The following ZC3H13 variants were observed in gnomAD, a reference collection of about 807,000 sequenced individuals.
The protein encoded by ZC3H13 is zinc finger CCCH domain-containing protein 13.
Under a neutral mutation model 204.1 loss-of-function variants are expected in ZC3H13, and 64 were observed. That is an observed-to-expected ratio of 0.31 (90% CI 0.26 to 0.39). The LOEUF (loss-of-function observed/expected upper bound fraction) is 0.39. ZC3H13 is among the 10% of genes least tolerant of loss of function. The pLI, the probability that ZC3H13 is intolerant of heterozygous loss-of-function variation, is 1.00. For synonymous variants in ZC3H13, 667 were observed against 693.7 expected (o/e 0.96, Z 0.60); for missense variants, 1,833 against 2,082.7 (o/e 0.88, Z 2.33).
At chr13:45,997,555 T>C (rs927332327) in intron 8 of ZC3H13, among the ~76,000 whole-genome samples, 7 of 152,152 alleles carry the variant, frequency 4.6e-5, no homozygotes, top group African/African-American at 1.7e-4. Flanking sequence ...ATACAGAACG[T>C]TGGACAACTG....
Position 46,020,446 on chromosome 13 carries a change from C to T in ZC3H13, c.448+3G>A. On this transcript the variant is annotated splice_donor_region_variant and intron_variant, in intron 5 of 18. Coordinates refer to ENST00000679008, the MANE Select transcript of ZC3H13 (RefSeq NM_001330564.2). ...CCATTTAAACCAAGATTCTGAAACT[C>T]ACCATCTCTATTAGTTTCCCATTCT... 2 of 1,599,972 alleles carry T rather than the reference C, an allele frequency of 1.3e-6. No individual in the cohort carries two copies. Among genetic ancestry groups the T allele is most frequent in the Non-Finnish European group, 1.7e-6 (2 of 1,171,120 alleles).
At chr13:45,959,407 C>A in intron 18 of ZC3H13, 76 bp downstream of exon 18, 1 of 1,355,418 alleles carries the variant, frequency 7.4e-7, no homozygotes, top group South Asian at 1.8e-5. Flanking sequence ...ATTGCAATCT[C>A]AATTTAAAAC....
chr13:45,960,206 CT>C (rs1359942740), intron 17 of ZC3H13, among the ~76,000 whole-genome samples: 1 of 152,016 alleles, frequency 6.6e-6, no homozygotes, highest in Non-Finnish European at 1.5e-5. Context: ...ATCTGCCTGC[CT>C]CGGCCTCCCA....
At chr13:46,048,580 C>CAAAAA (rs56753264) in intron 1 of ZC3H13, among the ~76,000 whole-genome samples, 21 of 38,636 alleles carry the variant, frequency 5.4e-4, no homozygotes, top group South Asian at 1.8e-3. Context: ...GACTCCGCCT[C>CAAAAA]AAAAAAAAAA....
intron 12 of ZC3H13, among the ~76,000 whole-genome samples, chr13:45,972,346 G>A (rs904644419): frequency 6.6e-6 from 1 of 152,072 alleles, no homozygotes; most frequent in African/African-American, 2.4e-5. Flanking sequence ...AAAAAATAAT[G>A]TCTTTTGCAG....
At chr13:46,004,615 G>A (rs1043461178) in intron 7 of ZC3H13, among the ~76,000 whole-genome samples, 2 of 152,078 alleles carry the variant, frequency 1.3e-5, no homozygotes, top group Non-Finnish European at 1.5e-5. Flanking sequence ...CTGAATAGAT[G>A]CTCCAAAACT....
chr13:45,976,025 G>T (rs933297243), intron 11 of ZC3H13, among the ~76,000 whole-genome samples, 187 bp from the exon 12 acceptor site: 1 of 152,010 alleles, frequency 6.6e-6, no homozygotes, highest in African/African-American at 2.4e-5. Context: ...ATTTTTTAAA[G>T]ATAATTTTTA....
At chr13:45,958,504 A>G (rs1951428216) in intron 18 of ZC3H13, among the ~76,000 whole-genome samples, 1 of 152,172 alleles carries the variant, frequency 6.6e-6, no homozygotes, top group South Asian at 2.1e-4. Context: ...CCAGTTGAGC[A>G]TCCCTATCTA....
At chr13:45,985,930 GTTC>G (rs1264783956) in intron 9 of ZC3H13, among the ~76,000 whole-genome samples, 169 bp from the exon 10 acceptor site, 1 of 152,136 alleles carries the variant, frequency 6.6e-6, no homozygotes, top group African/African-American at 2.4e-5. Context: ...TGATAAGAAT[GTTC>G]TTCATTAGAT....
chr13:46,043,482 A>T (rs919565574), intron 3 of ZC3H13, among the ~76,000 whole-genome samples: 4 of 151,932 alleles, frequency 2.6e-5, no homozygotes, highest in Non-Finnish European at 1.5e-5. Context: ...TTATATAATA[A>T]AACACTTTAG....
In ZC3H13 at chr13:46,052,469, C is replaced by T; in HGVS notation, c.-75G>A. 7.5e-6 allele frequency: 3 copies of T among 398,124 alleles called. No homozygotes were observed. 24.7% of individuals were successfully genotyped at this position (398,124 alleles called of 1,614,324 possible). On this transcript the variant is annotated 5_prime_UTR_variant, in exon 1 of 19. Coordinates refer to ENST00000679008, the MANE Select transcript of ZC3H13 (RefSeq NM_001330564.2). ...CCACCGCCGCCGCCGCTCCGAGGAG[C>T]GGGGGAGGCGACTCTGTCCCCGCGC...
At chr13:45,986,004 C>A (rs1295684740) in intron 9 of ZC3H13, among the ~76,000 whole-genome samples, 2 of 152,214 alleles carry the variant, frequency 1.3e-5, no homozygotes, top group African/African-American at 4.8e-5. Flanking sequence ...CTCACCCCAA[C>A]TTACCAGATC....
intron 7 of ZC3H13, among the ~76,000 whole-genome samples, chr13:46,008,732 AT>A (rs1429143278): frequency 6.6e-6 from 1 of 152,182 alleles, no homozygotes; most frequent in Non-Finnish European, 1.5e-5. Flanking sequence ...AGCCAAGAGG[AT>A]AAGAGCAAGT....
Position 46,020,494 on chromosome 13 carries a change from G to T in ZC3H13, c.403C>A (p.Pro135Thr). 6.2e-7 allele frequency: 1 copy of T among 1,610,952 alleles called. No homozygotes were observed. The highest frequency in any genetic ancestry group is 8.5e-7 in the Non-Finnish European group (1 of 1,178,696). Residue 135 changes from proline (P) to threonine (T), a missense_variant, in exon 5 of 19, where the codon CCA becomes ACA. Around this residue, in one of 5 missense-constraint regions of ZC3H13, gnomAD observed 1,574 missense variants for 1,757.2 expected, o/e 0.90. Coordinates refer to ENST00000679008, the MANE Select transcript of ZC3H13 (RefSeq NM_001330564.2). Reference protein sequence around the residue: ...EDIKITKERTPESEEENVEWE... With the variant: ...EDIKITKERTTESEEENVEWE... ...TCTACATTTTCTTCTTCACTTTCTG[G>T]AGTTCTTTCCTTAGTGATTTTTATG...
At position 45,979,848 on chromosome 13, in the gene ZC3H13, T is replaced by C. The variant is rs556337484; in HGVS notation, c.1877A>G (p.His626Arg). The C allele has an allele frequency of 5.6e-6, 9 of 1,603,024 alleles. No individual in the cohort carries two copies. The highest frequency in any genetic ancestry group is 8.5e-7 in the Non-Finnish European group (1 of 1,175,376). The change falls in exon 11 of 19, where the codon CAT becomes CGT. Residue 626 changes from histidine to arginine, a missense_variant. Around this residue, in one of 5 missense-constraint regions of ZC3H13, gnomAD observed 1,574 missense variants for 1,757.2 expected, o/e 0.90. Coordinates refer to ENST00000679008, the MANE Select transcript of ZC3H13 (RefSeq NM_001330564.2). ...GTTGTCACGACGGTCTCGCTCTCCATGTCTTCTCTCAAAGGAAGAATCCCT... is the reference window on the plus strand; with the variant it reads ...GTTGTCACGACGGTCTCGCTCTCCACGTCTTCTCTCAAAGGAAGAATCCCT... ...QARDSSFERRHGERDRRDNRE... is the reference protein window; with the variant it reads ...QARDSSFERRRGERDRRDNRE...
At chr13:46,039,619 T>C (rs2043437659) in intron 4 of ZC3H13, among the ~76,000 whole-genome samples, 1 of 152,198 alleles carries the variant, frequency 6.6e-6, no homozygotes. Context: ...AGTCAGTCTG[T>C]ACTGACTCAT....
intron 4 of ZC3H13, among the ~76,000 whole-genome samples, chr13:46,039,201 T>G (rs1478228065): frequency 1.3e-5 from 2 of 152,168 alleles, no homozygotes; most frequent in Admixed American, 1.3e-4. Flanking sequence ...AAAGCAAGAA[T>G]CAGGCTTTAA....
chr13:46,045,622 CAGG>C (rs2043895368), intron 1 of ZC3H13, 106 bp from the exon 2 acceptor site: 7 of 740,124 alleles, frequency 9.5e-6, no homozygotes, highest in African/African-American at 5.3e-5. Context: ...TGTAAAATTA[CAGG>C]AGATTTTCCT....
At chr13:45,998,626 G>T (rs535287367) in intron 8 of ZC3H13, among the ~76,000 whole-genome samples, 1 of 151,356 alleles carries the variant, frequency 6.6e-6, no homozygotes, top group African/African-American at 2.4e-5. Flanking sequence ...TCCAGCCTGG[G>T]TGACACAGCG....
Sources: gnomAD v4.1 joint callset for allele counts (sites outside exome capture counted in the v4.1 genomes callset) on GRCh38, gnomAD v4.1.1 for gene constraint, gnomAD v4.1.1 regional missense constraint, MANE v1.5 for transcripts, NCBI Gene and HGNC (gene_info 2026-07-23, HGNC 2026-07-21) for gene names.